The following IQCK variants were observed in gnomAD, a reference collection of about 807,000 sequenced individuals.
The protein encoded by IQCK is IQ domain-containing protein K.
In IQCK, 29 loss-of-function variants were observed where a neutral mutation model predicts 28.1. The observed-to-expected ratio is 1.03, with a 90% CI of 0.77 to 1.41. The LOEUF (loss-of-function observed/expected upper bound fraction) is 1.41. Among genes scored for constraint, IQCK ranks in the 40% most tolerant of loss-of-function variants. The pLI is 0.00. For missense variants in IQCK, 359 were observed against 314.7 expected (o/e 1.14, Z -1.07); for synonymous variants, 113 against 115.1 (o/e 0.98, Z 0.12).
At chr16:19,834,990 T>G (rs554939214) in intron 9 of IQCK, among the ~76,000 whole-genome samples, 1 of 152,228 alleles carries the variant, frequency 6.6e-6, no homozygotes, top group East Asian at 1.9e-4. Context: ...ATAAGCCAGG[T>G]GCGGTGGCTC....
chr16:19,779,938 C>T (rs1199693979), intron 6 of IQCK, among the ~76,000 whole-genome samples: 1 of 151,354 alleles, frequency 6.6e-6, no homozygotes, highest in African/African-American at 2.4e-5. Context: ...AGGATGGTCT[C>T]GATATCCTGA....
At chr16:19,828,648 G>A (rs990886402), downstream of IQCK, among the ~76,000 whole-genome samples, 8 of 150,598 alleles carry the variant, frequency 5.3e-5, no homozygotes, top group Admixed American at 6.7e-5. Flanking sequence ...GGCCTGAGGC[G>A]GGTGGATCAC....
intron 7 of IQCK, among the ~76,000 whole-genome samples, chr16:19,792,944 A>T (rs1048502880): frequency 1.7e-5 from 2 of 115,980 alleles, no homozygotes; most frequent in Admixed American, 7.4e-5. Flanking sequence ...GTGAACTTAA[A>T]CCAGAGATCA....
chr16:19,828,594 T>TA (rs1199540631), downstream of IQCK, among the ~76,000 whole-genome samples: 1 of 151,638 alleles, frequency 6.6e-6, no homozygotes, highest in Non-Finnish European at 1.5e-5. Flanking sequence ...TTTATTCATA[T>TA]AAAAAAATAT....
chr16:19,848,333 G>C (rs1185071991), intron 9 of IQCK, among the ~76,000 whole-genome samples: 1 of 152,150 alleles, frequency 6.6e-6, no homozygotes, highest in Non-Finnish European at 1.5e-5. Flanking sequence ...ATATCTGATA[G>C]GTCAACTTGC....
chr16:19,777,954 G>A (rs1448009146), intron 6 of IQCK, among the ~76,000 whole-genome samples: 3 of 152,174 alleles, frequency 2.0e-5, no homozygotes, highest in African/African-American at 7.2e-5. Context: ...TCCGGAGGCT[G>A]AGGTGAGAGA....
At chr16:19,799,039 G>A (rs1004386208) in intron 7 of IQCK, among the ~76,000 whole-genome samples, 1 of 56,318 alleles carries the variant, frequency 1.8e-5, no homozygotes, top group Non-Finnish European at 2.6e-5. Flanking sequence ...ATGAGCCACC[G>A]TGCCCAGCAA....
At chr16:19,827,032 T>C (rs2141091286) in exon 8 of IQCK, 1 of 1,611,996 alleles carries the variant, frequency 6.2e-7, no homozygotes, top group Non-Finnish European at 8.5e-7. Context: ...CCAGGTTCGC[T>C]GTGATCCTGA....
chr16:19,829,338 C>CTT (rs879746539), downstream of IQCK, among the ~76,000 whole-genome samples: 5 of 142,794 alleles, frequency 3.5e-5, no homozygotes, highest in Non-Finnish European at 3.1e-5. Flanking sequence ...CTTCCTATTC[C>CTT]TTTTTTTTTT....
intron 3 of IQCK, 85 bp from the exon 4 acceptor site, chr16:19,735,268 T>C: frequency 1.1e-6 from 1 of 933,354 alleles, no homozygotes; most frequent in Admixed American, 1.9e-5. Context: ...ACAGTACCTT[T>C]TTCTGGCTCA....
Position 19,825,476 on chromosome 16 carries a change from C to CA in IQCK, c.691-1549dup, listed in dbSNP as rs2056135557. On this transcript the variant is annotated intron_variant, in intron 7 of 7. Transcript: ENST00000564186. This position sits in a 1 kb window ranked among gnomAD's most constrained non-coding sequence, Gnocchi z 4.2. ...TGGAGGTTGCAGTGAGCTGAGATTG[C>CA]ACCATTGCACTCCAGCCTGGGCAGC... Among the ~76,000 whole-genome samples, 1 of 151,710 alleles carries CA rather than the reference C, an allele frequency of 6.6e-6. No homozygotes were observed. Among genetic ancestry groups the CA allele is most frequent in the African/African-American group, 2.4e-5 (1 of 41,230 alleles).
intron 9 of IQCK, among the ~76,000 whole-genome samples, chr16:19,835,876 T>C (rs1397516249): frequency 1.3e-5 from 2 of 152,188 alleles, no homozygotes; most frequent in African/African-American, 4.8e-5. Flanking sequence ...TGAGCCATCA[T>C]GCCCAGCCTT....
intron 6 of IQCK, among the ~76,000 whole-genome samples, chr16:19,772,317 G>T (rs2055330458): frequency 6.6e-6 from 1 of 152,118 alleles, no homozygotes; most frequent in Non-Finnish European, 1.5e-5. Context: ...GGGTAGTGGG[G>T]TCCATCTTAG....
At chr16:19,749,639 G>A (rs890858993) in intron 4 of IQCK, among the ~76,000 whole-genome samples, 1 of 152,062 alleles carries the variant, frequency 6.6e-6, no homozygotes, top group South Asian at 2.1e-4. Context: ...CATGGTGTGC[G>A]CCTGTAGTCC....
At chr16:19,822,573 C>T (rs1453067928) in intron 7 of IQCK, among the ~76,000 whole-genome samples, 2 of 151,960 alleles carry the variant, frequency 1.3e-5, no homozygotes, top group Non-Finnish European at 2.9e-5. Context: ...CATGATTGTA[C>T]GATTCCATTT....
At chr16:19,839,910 T>C (rs1338590201) in intron 9 of IQCK, among the ~76,000 whole-genome samples, 1 of 151,672 alleles carries the variant, frequency 6.6e-6, no homozygotes, top group Admixed American at 6.6e-5. Context: ...CAGGAGGACC[T>C]CTTAAAGCTC....
intron 7 of IQCK, among the ~76,000 whole-genome samples, chr16:19,794,876 A>T: frequency 9.4e-6 from 1 of 106,476 alleles, no homozygotes; most frequent in East Asian, 2.3e-4. Flanking sequence ...GTTACATGCT[A>T]AAAAACGGGT....
At chr16:19,814,556 A>T (rs1167318448) in intron 7 of IQCK, among the ~76,000 whole-genome samples, 1 of 152,148 alleles carries the variant, frequency 6.6e-6, no homozygotes, top group Non-Finnish European at 1.5e-5. Flanking sequence ...ACATATCACT[A>T]ATCTCAATAA....
intron 7 of IQCK, among the ~76,000 whole-genome samples, chr16:19,817,913 A>G (rs145699989): frequency 6.6e-4 from 100 of 152,362 alleles, no homozygotes; most frequent in Non-Finnish European, 1.1e-3. Flanking sequence ...TGACTGTGAT[A>G]AAACATAGTC....
Sources: gnomAD v4.1 joint callset for allele counts (sites outside exome capture counted in the v4.1 genomes callset) on GRCh38, gnomAD v4.1.1 for gene constraint, Gnocchi (gnomAD v3.1) non-coding constraint, MANE v1.5 for transcripts, NCBI Gene and HGNC (gene_info 2026-07-23, HGNC 2026-07-21) for gene names.